ASTN2: variants seen among roughly 807,000 people sequenced by gnomAD.
The protein encoded by ASTN2 is astrotactin-2.
A neutral mutation model predicts 139.8 loss-of-function variants in ASTN2; 54 were observed. The ratio of observed to expected loss-of-function variants is 0.39; its 90% CI spans 0.31 to 0.48. The LOEUF is 0.48. Among genes scored for constraint, ASTN2 ranks in the 20% least tolerant of loss-of-function variants. The probability of loss-of-function intolerance (pLI) is 0.95; values close to 1 mark genes in which losing one functional copy is unlikely to be tolerated. For synonymous variants in ASTN2, 756 were observed against 719.5 expected, an observed-to-expected ratio of 1.05 and a Z score of -0.81; for missense variants, 1,565 against 1,725.1, an observed-to-expected ratio of 0.91 and a Z score of 1.64.
intron 13 of ASTN2, among the ~76,000 whole-genome samples, chr9:116,744,501 G>A (rs1160832951): frequency 2.0e-5 from 3 of 152,088 alleles, no homozygotes; most frequent in African/African-American, 4.8e-5. Flanking sequence ...AAGAGGTTTT[G>A]CAGTAATCCA....
At chr9:116,940,055 G>C (rs558039517) in intron 10 of ASTN2, among the ~76,000 whole-genome samples, 1 of 152,274 alleles carries the variant, frequency 6.6e-6, no homozygotes, top group East Asian at 1.9e-4. Context: ...ACTGGATTAT[G>C]ATAATAAACA....
At chr9:117,016,630 A>AAAACC (rs1837698157) in intron 6 of ASTN2, among the ~76,000 whole-genome samples, 1 of 16,082 alleles carries the variant, frequency 6.2e-5, no homozygotes, top group Admixed American at 8.4e-4. Context: ...CTATCTATAT[A>AAAACC]TATATATATA....
chr9:117,074,365 C>T (rs953948951), intron 5 of ASTN2, among the ~76,000 whole-genome samples: 3 of 152,162 alleles, frequency 2.0e-5, no homozygotes, highest in Non-Finnish European at 4.4e-5. Flanking sequence ...GACATTTGGT[C>T]TGAGGGATCA....
chr9:116,936,246 C>CACCAAG (rs1835080118), intron 10 of ASTN2, among the ~76,000 whole-genome samples: 1 of 144,982 alleles, frequency 6.9e-6, no homozygotes. Context: ...CCACCACCAC[C>CACCAAG]ACCATCACCA....
At chr9:116,983,880 A>G (rs1343263742) in intron 7 of ASTN2, among the ~76,000 whole-genome samples, 1 of 152,196 alleles carries the variant, frequency 6.6e-6, no homozygotes, top group Non-Finnish European at 1.5e-5. Flanking sequence ...TCCTCAGCTT[A>G]GAGCCAAGGG....
chr9:117,160,031 A>C (rs948297392), intron 3 of ASTN2, among the ~76,000 whole-genome samples: 2 of 152,006 alleles, frequency 1.3e-5, no homozygotes, highest in African/African-American at 4.8e-5. Flanking sequence ...CACAAGAAGG[A>C]TACTCCACTA....
At chr9:116,679,063 C>A (rs1275219188) in intron 16 of ASTN2, among the ~76,000 whole-genome samples, 1 of 152,084 alleles carries the variant, frequency 6.6e-6, no homozygotes, top group Admixed American at 6.6e-5. Flanking sequence ...CTCATGCTAT[C>A]TTTATTGGGT....
intron 10 of ASTN2, among the ~76,000 whole-genome samples, chr9:116,948,176 T>A (rs1835450672): frequency 6.6e-6 from 1 of 152,194 alleles, no homozygotes; most frequent in African/African-American, 2.4e-5. Context: ...AATTAAGATG[T>A]TGTCTGCCAG....
intron 2 of ASTN2, among the ~76,000 whole-genome samples, chr9:117,237,620 C>A (rs1243964894): frequency 6.6e-6 from 1 of 152,156 alleles, no homozygotes; most frequent in Non-Finnish European, 1.5e-5. Context: ...GCTGGGACTA[C>A]AGGTGCATGC....
chr9:116,824,676 T>C (rs1311671317), intron 11 of ASTN2, among the ~76,000 whole-genome samples: 1 of 152,236 alleles, frequency 6.6e-6, no homozygotes, highest in African/African-American at 2.4e-5. Flanking sequence ...TGTGGGATAA[T>C]AAATACTTTT....
chr9:117,172,522 T>C (rs1348231858), intron 3 of ASTN2, among the ~76,000 whole-genome samples: 1 of 152,158 alleles, frequency 6.6e-6, no homozygotes, highest in Non-Finnish European at 1.5e-5. Context: ...TGACTATTAA[T>C]CTACATGCAT....
At chr9:117,150,316 C>T (rs1474361743) in intron 3 of ASTN2, among the ~76,000 whole-genome samples, 1 of 152,134 alleles carries the variant, frequency 6.6e-6, no homozygotes, top group Non-Finnish European at 1.5e-5. Flanking sequence ...AACACTTTCA[C>T]CTCCCTCAAC....
At chr9:117,063,011 C>T (rs1029337329) in intron 5 of ASTN2, among the ~76,000 whole-genome samples, 3 of 152,134 alleles carry the variant, frequency 2.0e-5, no homozygotes, top group East Asian at 1.9e-4. Context: ...GTGCTAGCCT[C>T]GGAAGCTAAC....
At chr9:116,507,088 CT>C (rs1468522384) in intron 19 of ASTN2, among the ~76,000 whole-genome samples, 2 of 152,296 alleles carry the variant, frequency 1.3e-5, no homozygotes, top group African/African-American at 4.8e-5. Context: ...TACATAATCG[CT>C]TTAACATTCA....
chr9:116,762,455 G>C (rs764973329), intron 13 of ASTN2, among the ~76,000 whole-genome samples: 1 of 152,200 alleles, frequency 6.6e-6, no homozygotes, highest in Non-Finnish European at 1.5e-5. Flanking sequence ...GTAGGTGGAT[G>C]TGGACTCTTA....
intron 1 of ASTN2, among the ~76,000 whole-genome samples, chr9:117,387,785 T>C (rs1182074818): frequency 2.6e-5 from 4 of 152,150 alleles, no homozygotes; most frequent in Non-Finnish European, 4.4e-5. Flanking sequence ...GGTTGTGGCA[T>C]GCAGAGCAGG....
chr9:116,594,053 G>C (rs548616843), intron 19 of ASTN2, among the ~76,000 whole-genome samples: 18 of 152,146 alleles, frequency 1.2e-4, no homozygotes, highest in African/African-American at 4.3e-4. Context: ...CAATGATGCC[G>C]TGGGACCTCT....
At chr9:117,230,262 C>T (rs1832851025) in intron 2 of ASTN2, among the ~76,000 whole-genome samples, 1 of 151,784 alleles carries the variant, frequency 6.6e-6, no homozygotes, top group South Asian at 2.1e-4. Flanking sequence ...GGCCAGAAGT[C>T]TGAAATGAAG....
intron 21 of ASTN2, 40 bp from the exon 22 acceptor site, chr9:116,440,832 G>A (rs369069598): frequency 1.3e-6 from 2 of 1,574,308 alleles, no homozygotes; most frequent in South Asian, 2.3e-5. Flanking sequence ...ACTGGGTGGT[G>A]AAAAAAAGTA....
Sources: allele counts gnomAD v4.1 joint callset (sites outside exome capture counted in the v4.1 genomes callset), GRCh38; gene constraint gnomAD v4.1.1; transcripts MANE v1.5; gene names NCBI Gene and HGNC (gene_info 2026-07-23, HGNC 2026-07-21).